RRP12: variants seen among roughly 807,000 people sequenced by gnomAD.
The protein encoded by RRP12 is RRP12-like protein.
In RRP12, 78 loss-of-function variants were observed where a neutral mutation model predicts 157.3. That is an observed-to-expected ratio of 0.50 (90% CI 0.41 to 0.60). The LOEUF is 0.60. Among genes scored for constraint, RRP12 ranks in the 20% least tolerant of loss-of-function variants. RRP12 has a pLI of 0.00. For missense variants in RRP12, 1,521 were observed against 1,679.9 expected (o/e 0.91, Z 1.65); for synonymous variants, 726 against 670.9 (o/e 1.08, Z -1.27).
intron 11 of RRP12, 45 bp from the exon 12 acceptor site, chr10:97,381,528 C>T: frequency 1.4e-6 from 2 of 1,446,156 alleles, no homozygotes; most frequent in South Asian, 1.3e-5. Flanking sequence ...GGCAGCCCCC[C>T]AGGACCACTC....
intron 8 of RRP12, 190 bp downstream of exon 8, chr10:97,388,062 C>G: frequency 1.6e-6 from 1 of 639,072 alleles, no homozygotes; most frequent in South Asian, 2.0e-5. Context: ...AGGTCAGCTT[C>G]CATCTGGAAG....
At chr10:97,371,332 G>A (rs1589419453) in intron 20 of RRP12, 1 of 540,116 alleles carries the variant, frequency 1.9e-6, no homozygotes, top group Non-Finnish European at 3.3e-6. Flanking sequence ...CACTCCAGTG[G>A]CCTGAGCTCA....
chr10:97,356,430 TG>T (rs1187820284), downstream of RRP12: 1 of 152,280 alleles, frequency 6.6e-6, no homozygotes, highest in African/African-American at 2.4e-5. Flanking sequence ...ACAAAGATGC[TG>T]GAGAGACTTG....
At chr10:97,396,117 T>C (rs1469734589) in intron 3 of RRP12, 101 bp downstream of exon 3, 17 of 831,166 alleles carry the variant, frequency 2.0e-5, no homozygotes, top group Non-Finnish European at 3.4e-5. Context: ...CTGGTCAAGG[T>C]TGTCCTTCTC....
chr10:97,400,290 G>C lies in RRP12; in HGVS notation c.369+15C>G. 7.5e-6 allele frequency: 12 copies of C among 1,604,764 alleles called. No individual in the cohort carries two copies. Among genetic ancestry groups the C allele is most frequent in the Non-Finnish European group, 1.0e-5 (12 of 1,171,656 alleles). ...CTCCTCACTATCCTATGGCCCTCCCGACCCTCGCCCCTACCTCCTTGTGGG... is the reference window on the plus strand; with the variant it reads ...CTCCTCACTATCCTATGGCCCTCCCCACCCTCGCCCCTACCTCCTTGTGGG... On this transcript the variant is annotated intron_variant, in intron 2 of 33. Transcript: ENST00000370992.
At chr10:97,374,674 A>G (rs879596657) in intron 15 of RRP12, among the ~76,000 whole-genome samples, 1 of 150,024 alleles carries the variant, frequency 6.7e-6, no homozygotes, top group Non-Finnish European at 1.5e-5. Context: ...CGGGAGGCTG[A>G]GGCAGGAGAA....
intron 15 of RRP12, 43 bp downstream of exon 15, chr10:97,379,250 T>G: frequency 6.2e-7 from 1 of 1,609,252 alleles, no homozygotes; most frequent in Non-Finnish European, 8.5e-7. Context: ...GTTCCAGGAC[T>G]GTGGGGAGCC....
rs1392311808 is a variant in RRP12, at chr10:97,360,622, T to C, written c.3568-4A>G. On this transcript the variant is annotated splice_polypyrimidine_tract_variant and splice_region_variant and intron_variant, in intron 30 of 33. Coordinates refer to ENST00000370992, the MANE Select transcript of RRP12 (RefSeq NM_015179.4). ...GCTTGAGCTTCTGGTGCTTTTTCTA[T>C]AGAGAGAGAATAGGTGGGTAGTGAG... 8.1e-6 allele frequency: 13 copies of C among 1,612,868 alleles called. No homozygotes were observed. Among genetic ancestry groups the C allele is most frequent in the Non-Finnish European group, 1.1e-5 (13 of 1,179,044 alleles).
chr10:97,379,495 G>A (rs1844403554), intron 14 of RRP12, 81 bp from the exon 15 acceptor site: 1 of 1,597,786 alleles, frequency 6.3e-7, no homozygotes. Context: ...GCCCAGGACA[G>A]AGTAAGACCT....
At chr10:97,384,572 G>A (rs1248831577) in intron 10 of RRP12, among the ~76,000 whole-genome samples, 2 of 150,018 alleles carry the variant, frequency 1.3e-5, no homozygotes, top group East Asian at 2.0e-4. Flanking sequence ...TCAGCTGCCT[G>A]GACGGAGACC....
intron 30 of RRP12, among the ~76,000 whole-genome samples, chr10:97,362,862 G>A (rs1843880656): frequency 6.6e-6 from 1 of 152,188 alleles, no homozygotes; most frequent in South Asian, 2.1e-4. Context: ...CACTTGGCAA[G>A]GCATATGGGC....
intron 29 of RRP12, 40 bp from the exon 30 acceptor site, chr10:97,363,943 C>T (rs950895385): frequency 1.3e-6 from 2 of 1,590,416 alleles, no homozygotes; most frequent in Admixed American, 3.3e-5. Flanking sequence ...GCTGTGGGAG[C>T]TCCTCAAAAC....
chr10:97,382,350 T>C (rs72838764), intron 10 of RRP12, among the ~76,000 whole-genome samples: 36,291 of 151,994 alleles, frequency 0.24, 4,657 homozygotes, highest in South Asian at 0.34. Flanking sequence ...TCACTGTGTT[T>C]CCCAGGCTAG....
upstream of RRP12, chr10:97,401,354 G>T: frequency 7.8e-7 from 1 of 1,280,268 alleles, no homozygotes; most frequent in South Asian, 1.4e-5. Flanking sequence ...GTCACTTCCG[G>T]ATTCGTGTGC....
intron 19 of RRP12, 41 bp from the exon 20 acceptor site, chr10:97,372,207 G>C (rs1564754118): frequency 6.6e-7 from 1 of 1,524,804 alleles, no homozygotes; most frequent in Non-Finnish European, 9.1e-7. Context: ...TGGGGAGCTG[G>C]AGAAGGGCGC....
intron 24 of RRP12, 143 bp downstream of exon 24, chr10:97,370,024 C>G (rs1249952002): frequency 6.3e-6 from 4 of 638,922 alleles, no homozygotes; most frequent in Non-Finnish European, 1.1e-5. Context: ...GGAAGGGAGA[C>G]AGGGAGGCAA....
chr10:97,357,337 A>C (rs967522194), intron 33 of RRP12, 141 bp from the exon 34 acceptor site: 43 of 577,560 alleles, frequency 7.4e-5, no homozygotes, highest in Non-Finnish European at 1.3e-4. Flanking sequence ...AACTAGGCAG[A>C]CCTCACGTGG....
chr10:97,388,759 T>C, intron 6 of RRP12, 135 bp from the exon 7 acceptor site: 2 of 1,079,976 alleles, frequency 1.9e-6, no homozygotes, highest in Non-Finnish European at 2.6e-6. Flanking sequence ...ATAGATCCAG[T>C]GCTACACCAG....
In RRP12 at chr10:97,356,715, C is replaced by T. The variant is rs1371591782; in HGVS notation, c.*379G>A. ...TAGAAAAAAAATGCAGGATGAGACACATTTATTCTACATCTGGTCACAGTA... is the reference window on the plus strand; with the variant it reads ...TAGAAAAAAAATGCAGGATGAGACATATTTATTCTACATCTGGTCACAGTA... On this transcript the variant is annotated 3_prime_UTR_variant, in exon 34 of 34. Coordinates refer to ENST00000370992, the MANE Select transcript of RRP12 (RefSeq NM_015179.4). 5.2e-6 allele frequency: 1 copy of T among 191,378 alleles called. No individual in the cohort carries two copies. Among genetic ancestry groups the T allele is most frequent in the Non-Finnish European group, 1.1e-5 (1 of 94,182 alleles). 11.9% of individuals were successfully genotyped at this position (191,378 alleles called of 1,614,324 possible).
Sources: allele counts gnomAD v4.1 joint callset (sites outside exome capture counted in the v4.1 genomes callset), GRCh38; gene constraint gnomAD v4.1.1; transcripts MANE v1.5; gene names NCBI Gene and HGNC (gene_info 2026-07-23, HGNC 2026-07-21).